The following SLC34A2 variants were observed in gnomAD, a reference collection of about 807,000 sequenced individuals.
SLC34A2 encodes sodium-dependent phosphate transport protein 2B.
A neutral mutation model predicts 50.8 loss-of-function variants in SLC34A2; 41 were observed. The ratio of observed to expected loss-of-function variants is 0.81; its 90% CI spans 0.63 to 1.05. The LOEUF (loss-of-function observed/expected upper bound fraction) is 1.05. Ranked by LOEUF, SLC34A2 falls within the 50% of genes least tolerant of loss-of-function variation. The probability of loss-of-function intolerance (pLI) is 0.00; values close to 1 mark genes in which losing one functional copy is unlikely to be tolerated. For synonymous variants in SLC34A2, 401 were observed against 364.2 expected, an observed-to-expected ratio of 1.10 and a Z score of -1.15; for missense variants, 879 against 876.7, an observed-to-expected ratio of 1.00 and a Z score of -0.03.
At chr4:25,666,807 A>G (rs1714525815) in intron 5 of SLC34A2, 1 of 153,794 alleles carries the variant, frequency 6.5e-6, no homozygotes, top group African/African-American at 2.4e-5. Context: ...AGCTTGGGAG[A>G]TGGCACACTA....
intron 5 of SLC34A2, among the ~76,000 whole-genome samples, chr4:25,666,647 A>T (rs1244751733): frequency 6.6e-6 from 1 of 152,236 alleles, no homozygotes; most frequent in Non-Finnish European, 1.5e-5. Flanking sequence ...TTAAAGAGCC[A>T]CATGTGGCTG....
In SLC34A2 at chr4:25,662,625, C is replaced by G. The variant is rs768061298; in HGVS notation, c.112+13C>G. On this transcript the variant is annotated intron_variant, in intron 2 of 12. Transcript: ENST00000382051. ...GAGACCAACAAAAGTAAGTGTCGCTCGTTTGTCTGCAGATCGGCCTTTGTG... is the reference window on the plus strand; with the variant it reads ...GAGACCAACAAAAGTAAGTGTCGCTGGTTTGTCTGCAGATCGGCCTTTGTG... The G allele has an allele frequency of 1.2e-6, 2 of 1,614,010 alleles. No individual in the cohort carries two copies. The highest frequency in any genetic ancestry group is 1.7e-6 in the Non-Finnish European group (2 of 1,179,950).
intron 5 of SLC34A2, chr4:25,667,142 A>T (rs1345824222): frequency 6.6e-6 from 1 of 152,312 alleles, no homozygotes; most frequent in Non-Finnish European, 1.5e-5. Flanking sequence ...TATATCAAAA[A>T]AGGTGCAGCA....
chr4:25,668,128 G>A lies in SLC34A2; in HGVS notation c.635+137G>A. ...AGTTCCTAGAAGTAACCACAGGGAG[G>A]TATGGCTAGGGTTGGATCACATACT... is the stretch of plus-strand genomic sequence containing the variant. On this transcript the variant is annotated intron_variant, in intron 6 of 12. Transcript: ENST00000382051. 7.0e-6 allele frequency: 5 copies of A among 713,034 alleles called. No individual in the cohort carries two copies. The South Asian group carries it at 7.5e-5, about 11-fold the overall frequency. The allele number at this position is 713,034 out of a possible 1,614,324, so 44.2% of individuals were successfully genotyped here.
intron 3 of SLC34A2, among the ~76,000 whole-genome samples, chr4:25,663,524 C>T (rs1714323647): frequency 6.6e-6 from 1 of 152,152 alleles, no homozygotes; most frequent in South Asian, 2.1e-4. Flanking sequence ...TGCAGCCAGA[C>T]AGCTGGATGC....
chr4:25,672,574 T>C (rs1201913275), intron 9 of SLC34A2, among the ~76,000 whole-genome samples: 1 of 152,164 alleles, frequency 6.6e-6, no homozygotes, highest in Admixed American at 6.5e-5. Context: ...GCACTATATC[T>C]TAATACTCTA....
intron 12 of SLC34A2, among the ~76,000 whole-genome samples, chr4:25,675,628 T>A (rs1030868343): frequency 6.6e-6 from 1 of 152,226 alleles, no homozygotes; most frequent in African/African-American, 2.4e-5. Flanking sequence ...ATCACTTTAA[T>A]ATGTCATCTG....
chr4:25,657,307 G>A (rs1209784541), intron 1 of SLC34A2, among the ~76,000 whole-genome samples: 5 of 152,112 alleles, frequency 3.3e-5, no homozygotes, highest in Non-Finnish European at 7.3e-5. Context: ...CTGGGCTTTA[G>A]TAACCAGTTT....
Position 25,677,185 on chromosome 4 carries a change from T to A in SLC34A2, c.*436T>A. On this transcript the variant is annotated 3_prime_UTR_variant, in exon 13 of 13. Transcript: ENST00000382051. ...TCAAGCTCAGGCCTCTCCCTTTTTT[T>A]AAACCAAAGTCTGGCAACCAAGAGC... 5.7e-6 allele frequency: 1 copy of A among 175,856 alleles called. No homozygotes were observed. Among genetic ancestry groups the A allele is most frequent in the East Asian group, 1.3e-4 (1 of 7,584 alleles). The allele number at this position is 175,856 out of a possible 1,614,324, so 10.9% of individuals were successfully genotyped here.
rs769841286 is a variant in SLC34A2 at position 25,662,767 on chromosome 4, C to A, written c.175C>A (p.Leu59Met). Residue 59 changes from leucine (L) to methionine (M), a missense_variant, in exon 3 of 13, where the codon CTG (leucine) becomes ATG (methionine). Leu to Met is a conservative substitution (Grantham distance 15). Coordinates refer to ENST00000382051, the MANE Select transcript of SLC34A2 (RefSeq NM_006424.3). ...TCTGCCGTCCTACTCCACGGCTACA[C>A]TGATAGATGAGCCCACTGAGGTGGA... Reference protein sequence around the residue: ...ELLPSYSTATLIDEPTEVDDP... With the variant: ...ELLPSYSTATMIDEPTEVDDP... 1.2e-6 allele frequency: 2 copies of A among 1,614,016 alleles called. No individual in the cohort carries two copies. Among genetic ancestry groups the A allele is most frequent in the Non-Finnish European group, 1.7e-6 (2 of 1,180,040 alleles).
intron 8 of SLC34A2, 140 bp from the exon 9 acceptor site, chr4:25,671,461 A>C (rs1344791728): frequency 2.0e-6 from 2 of 993,158 alleles, no homozygotes; most frequent in African/African-American, 3.2e-5. Flanking sequence ...TAAGTCTTCA[A>C]GAGAAAAGAA....
Position 25,676,608 on chromosome 4 carries a change from C to T in SLC34A2, c.1932C>T (p.Cys644=), listed in dbSNP as rs2109062955. The change falls in exon 13 of 13, where the codon TGC becomes TGT. Residue 644 remains cysteine, a synonymous_variant. Transcript: ENST00000382051. The stretch of plus-strand genomic sequence containing the variant: ...CCAAGTGCTGCCGCTGCAGCAAGTG[C>T]TGCGAGGACTTGGAGGAGGCGCAGG... ...DCPKCCRCSK[C]CEDLEEAQEG... 6.2e-7 allele frequency: 1 copy of T among 1,613,856 alleles called. No homozygotes were observed. The highest frequency in any genetic ancestry group is 8.5e-7 in the Non-Finnish European group (1 of 1,179,758).
chr4:25,656,962 T>G (rs1196145666), intron 1 of SLC34A2, among the ~76,000 whole-genome samples: 1 of 152,184 alleles, frequency 6.6e-6, no homozygotes. Flanking sequence ...AAACTGTGCT[T>G]GTAGGAGTGG....
At chr4:25,661,465 A>G (rs773354006) in intron 1 of SLC34A2, among the ~76,000 whole-genome samples, 31 of 152,118 alleles carry the variant, frequency 2.0e-4, no homozygotes, top group Non-Finnish European at 4.1e-4. Context: ...TCAGTTCACT[A>G]CAACCTCCGC....
intron 10 of SLC34A2, 90 bp from the exon 11 acceptor site, chr4:25,674,206 A>C (rs1254505885): frequency 7.0e-6 from 6 of 861,876 alleles, no homozygotes; most frequent in Non-Finnish European, 1.2e-5. Context: ...GATGATGTAC[A>C]ACCTCACCCC....
At position 25,678,624 on chromosome 4, in the gene SLC34A2, G is replaced by A. The variant is rs957052303; in HGVS notation, c.*1875G>A. 11 of 309,262 alleles carry A rather than the reference G, an allele frequency of 3.6e-5. No homozygotes were observed. The highest frequency in any genetic ancestry group is 1.2e-4 in the South Asian group (2 of 17,138). 19.2% of individuals were successfully genotyped at this position (309,262 alleles called of 1,614,324 possible). A position where few individuals can be genotyped will look rare whatever the true frequency, so the allele number is the denominator to read the frequency against. ...TCAAACTCCTGAGATCAAGCAATCC[G>A]CCCACCTCAGCCTCCCAAAGTGCTG... On this transcript the variant is annotated 3_prime_UTR_variant, in exon 13 of 13. Coordinates refer to ENST00000382051, the MANE Select transcript of SLC34A2 (RefSeq NM_006424.3).
In SLC34A2 at chr4:25,676,757, C is replaced by A. The variant is rs1715156111; in HGVS notation, c.*8C>A. 6.2e-7 allele frequency: 1 copy of A among 1,614,044 alleles called. No homozygotes were observed. Among genetic ancestry groups the A allele is most frequent in the East Asian group, 2.2e-5 (1 of 44,872 alleles). On this transcript the variant is annotated 3_prime_UTR_variant, in exon 13 of 13. Transcript: ENST00000382051. ...GAATGCACGGCCTTGTAGGGGACGC[C>A]CCAGATTGTCAGGGATGGGGGGATG...
intron 5 of SLC34A2, among the ~76,000 whole-genome samples, chr4:25,667,547 A>T (rs1714564132): frequency 6.6e-6 from 1 of 152,080 alleles, no homozygotes; most frequent in Admixed American, 6.6e-5. Flanking sequence ...AAAAAAACTG[A>T]TGCTTCCTTA....
intron 10 of SLC34A2, among the ~76,000 whole-genome samples, chr4:25,674,019 G>A (rs1321574404): frequency 1.3e-5 from 2 of 152,228 alleles, no homozygotes; most frequent in African/African-American, 2.4e-5. Flanking sequence ...TCTGGAAGGA[G>A]AGTGGTTACT....
Sources: gnomAD v4.1 joint callset for allele counts (sites outside exome capture counted in the v4.1 genomes callset) on GRCh38, gnomAD v4.1.1 for gene constraint, MANE v1.5 for transcripts, NCBI Gene and HGNC (gene_info 2026-07-23, HGNC 2026-07-21) for gene names.